MAGI1: variants seen among roughly 807,000 people sequenced by gnomAD.
The protein encoded by MAGI1 is membrane associated guanylate kinase, WW and PDZ domain containing 1, also known as membrane-associated guanylate kinase, WW and PDZ domain-containing protein 1.
Under a neutral mutation model 139.9 loss-of-function variants are expected in MAGI1, and 58 were observed. That is an observed-to-expected ratio of 0.41 (90% CI 0.34 to 0.52). The LOEUF (loss-of-function observed/expected upper bound fraction) is 0.52. MAGI1 is among the 20% of genes least tolerant of loss of function. MAGI1 has a pLI of 0.12. For missense variants in MAGI1, 1,874 were observed against 1,901.6 expected (o/e 0.99, Z 0.27); for synonymous variants, 812 against 737.9 (o/e 1.10, Z -1.63).
intron 2 of MAGI1, among the ~76,000 whole-genome samples, chr3:65,518,791 C>A (rs1324111746): frequency 4.0e-5 from 6 of 151,264 alleles, no homozygotes; most frequent in African/African-American, 2.4e-5. Flanking sequence ...AATAAATAAA[C>A]CGAGTTTACG....
At chr3:65,492,971 G>A (rs1022657094) in intron 3 of MAGI1, among the ~76,000 whole-genome samples, 2 of 151,720 alleles carry the variant, frequency 1.3e-5, no homozygotes, top group African/African-American at 2.4e-5. Context: ...CCAGCTACTC[G>A]GGAGGCTGAC....
chr3:65,683,700 T>C (rs544235834), intron 1 of MAGI1, among the ~76,000 whole-genome samples: 61 of 149,956 alleles, frequency 4.1e-4, no homozygotes, highest in African/African-American at 1.4e-3. Flanking sequence ...CATGAAAAGA[T>C]GCTCAACATC....
rs576757544 is a variant in MAGI1, at chr3:65,964,410, A to G, written c.313+73586T>C. ...AAACAGGGACTTATATCTGTGGGTC[A>G]GAGAGTGAATGAGTCATAGAGAGAA... is the stretch of plus-strand genomic sequence containing the variant. On this transcript the variant is annotated intron_variant, in intron 1 of 22. Coordinates refer to ENST00000402939, the MANE Select transcript of MAGI1 (RefSeq NM_001033057.2). Among the ~76,000 whole-genome samples, 21 of 152,192 alleles carry G rather than the reference A, an allele frequency of 1.4e-4. No homozygotes were observed. The South Asian group carries it at 4.4e-3, about 32-fold the overall frequency.
chr3:65,711,483 C>A (rs925235324), intron 1 of MAGI1, among the ~76,000 whole-genome samples: 6 of 151,884 alleles, frequency 4.0e-5, no homozygotes, highest in East Asian at 1.9e-4. Context: ...ACAAAAAAAA[C>A]ACAAAAAAAT....
chr3:65,514,498 T>G (rs1383681479), intron 2 of MAGI1, among the ~76,000 whole-genome samples: 5 of 150,588 alleles, frequency 3.3e-5, no homozygotes, highest in Non-Finnish European at 5.9e-5. Context: ...ACTGGGCGAA[T>G]GACATGAACA....
chr3:65,496,885 A>C (rs944682177), intron 2 of MAGI1, among the ~76,000 whole-genome samples: 1 of 152,194 alleles, frequency 6.6e-6, no homozygotes, highest in Non-Finnish European at 1.5e-5. Flanking sequence ...AGACAGAACT[A>C]ATAGAACTTG....
At chr3:65,446,337 G>A (rs1176312540) in intron 7 of MAGI1, among the ~76,000 whole-genome samples, 1 of 152,194 alleles carries the variant, frequency 6.6e-6, no homozygotes, top group African/African-American at 2.4e-5. Flanking sequence ...AAAAGAAGGT[G>A]AATAGCTTGT....
At chr3:65,527,373 A>C (rs2078433841) in intron 2 of MAGI1, among the ~76,000 whole-genome samples, 2 of 152,102 alleles carry the variant, frequency 1.3e-5, no homozygotes, top group South Asian at 4.1e-4. Flanking sequence ...TGAGGTTAGG[A>C]GTTGGAGACC....
intron 1 of MAGI1, among the ~76,000 whole-genome samples, chr3:65,816,571 T>G (rs567373762): frequency 6.6e-6 from 1 of 152,056 alleles, no homozygotes; most frequent in South Asian, 2.1e-4. Flanking sequence ...TATCAATTAT[T>G]TGACATGACC....
At chr3:65,720,321 T>C (rs2032853798) in intron 1 of MAGI1, among the ~76,000 whole-genome samples, 1 of 152,188 alleles carries the variant, frequency 6.6e-6, no homozygotes, top group Admixed American at 6.5e-5. Flanking sequence ...CTCTCTCTGC[T>C]GTGAAGTACC....
chr3:65,587,987 A>T (rs550546906), intron 2 of MAGI1, among the ~76,000 whole-genome samples: 6 of 152,162 alleles, frequency 3.9e-5, no homozygotes, highest in Admixed American at 6.5e-5. Context: ...ATTCTCCAGC[A>T]CACATTTGGT....
intron 2 of MAGI1, among the ~76,000 whole-genome samples, chr3:65,577,157 G>A (rs949379844): frequency 6.6e-6 from 1 of 152,136 alleles, no homozygotes; most frequent in African/African-American, 2.4e-5. Flanking sequence ...GGTTTCTATA[G>A]TTAGAAGTCA....
chr3:65,631,933 G>A (rs1298623479), intron 1 of MAGI1, among the ~76,000 whole-genome samples: 1 of 151,696 alleles, frequency 6.6e-6, no homozygotes, highest in African/African-American at 2.4e-5. Context: ...ACTAAGGCAG[G>A]AGAATTGCTT....
chr3:65,859,358 C>T (rs2059472623), intron 1 of MAGI1, among the ~76,000 whole-genome samples: 1 of 151,840 alleles, frequency 6.6e-6, no homozygotes, highest in Admixed American at 6.6e-5. Flanking sequence ...CATTAGACCC[C>T]TACAAATCAG....
intron 1 of MAGI1, among the ~76,000 whole-genome samples, chr3:65,732,811 T>C (rs549810622): frequency 1.3e-5 from 2 of 152,224 alleles, no homozygotes; most frequent in East Asian, 3.9e-4. Flanking sequence ...CATTAAACTA[T>C]ATGCTAAGAA....
At chr3:65,360,230 T>A (rs1940678077) in intron 22 of MAGI1, 1 of 985,086 alleles carries the variant, frequency 1.0e-6, no homozygotes, top group South Asian at 4.7e-5. Context: ...AGGGTGATAA[T>A]AGATAAATCC....
chr3:65,922,826 T>C (rs943478010), intron 1 of MAGI1, among the ~76,000 whole-genome samples: 7 of 152,216 alleles, frequency 4.6e-5, no homozygotes, highest in Non-Finnish European at 7.3e-5. Context: ...AGCAGGTTTC[T>C]GTCAAATAAT....
At chr3:65,373,225 T>C (rs1470291565) in intron 18 of MAGI1, among the ~76,000 whole-genome samples, 2 of 152,158 alleles carry the variant, frequency 1.3e-5, no homozygotes, top group Non-Finnish European at 2.9e-5. Context: ...AGGTTATTTA[T>C]TGTCCTAATT....
chr3:65,548,509 C>CTTTTTTTTTTTTTTTTT (rs1306099660), intron 2 of MAGI1, among the ~76,000 whole-genome samples: 4 of 117,368 alleles, frequency 3.4e-5, no homozygotes, highest in African/African-American at 3.5e-5. Flanking sequence ...GCAAACAACA[C>CTTTTTTTTTTTTTTTTT]TCTTTTTTTT....
Sources: gnomAD v4.1 joint callset for allele counts (sites outside exome capture counted in the v4.1 genomes callset) on GRCh38, gnomAD v4.1.1 for gene constraint, MANE v1.5 for transcripts, NCBI Gene and HGNC (gene_info 2026-07-23, HGNC 2026-07-21) for gene names.